FGFBP1: variants seen among roughly 807,000 people sequenced by gnomAD.
FGFBP1 encodes the protein fibroblast growth factor binding protein 1, also known as fibroblast growth factor-binding protein 1.
In FGFBP1, 12 loss-of-function variants were observed where a neutral mutation model predicts 14.6. That is an observed-to-expected ratio of 0.82 (90% confidence interval 0.53 to 1.33). The LOEUF (loss-of-function observed/expected upper bound fraction) is 1.33, where lower values mean the gene tolerates loss of function less well. Among genes scored for constraint, FGFBP1 ranks in the 40% most tolerant of loss-of-function variants. The pLI is 0.00. For synonymous variants in FGFBP1, 117 were observed against 105.0 expected, an observed-to-expected ratio of 1.11 and a Z score of -0.70; for missense variants, 317 against 271.8, an observed-to-expected ratio of 1.17 and a Z score of -1.17.
At chr4:15,937,611 GGT>G (rs1437368665) in intron 2 of FGFBP1, among the ~76,000 whole-genome samples, 1 of 152,092 alleles carries the variant, frequency 6.6e-6, no homozygotes, top group Non-Finnish European at 1.5e-5. Context: ...ACTGGTCTAG[GGT>G]TTGATTCCCA....
At position 15,935,811 on chromosome 4, in the gene FGFBP1, G is replaced by A. The variant is rs1016213561; in HGVS notation, c.*117C>T. On this transcript the variant is annotated 3_prime_UTR_variant, in exon 3 of 3. Coordinates refer to ENST00000382333, the MANE Select transcript of FGFBP1 (RefSeq NM_005130.5). Reference sequence around the variant, plus strand: ...AATACAAAACTTGTTTAAATATTTCGTTGCACTCACTAAGCACAAAAGTTC... The same window carrying A: ...AATACAAAACTTGTTTAAATATTTCATTGCACTCACTAAGCACAAAAGTTC... 2.3e-5 allele frequency: 14 copies of A among 620,452 alleles called. No homozygotes were observed. Among genetic ancestry groups the A allele is most frequent in the Middle Eastern group, 2.7e-4 (1 of 3,688 alleles). The allele number at this position is 620,452 out of a possible 1,614,324, so 38.4% of individuals were successfully genotyped here.
intron 2 of FGFBP1, among the ~76,000 whole-genome samples, chr4:15,936,920 C>T (rs1002431269): frequency 2.0e-5 from 3 of 152,318 alleles, no homozygotes; most frequent in Admixed American, 2.0e-4. Flanking sequence ...CATCTGCTCA[C>T]TCCTCACTCT....
At position 15,936,446 on chromosome 4, in the gene FGFBP1, T is replaced by C. The variant is rs750202291; in HGVS notation, c.187A>G (p.Lys63Glu). ...RPGNKGKFVT[K>E]DQANCRWAAT... Reference sequence around the variant, plus strand: ...GCCCATCTGCAGTTGGCTTGGTCTTTGGTGACAAACTTGCCTTTGTTCCCG... The same window carrying C: ...GCCCATCTGCAGTTGGCTTGGTCTTCGGTGACAAACTTGCCTTTGTTCCCG... The change falls in exon 3 of 3, where the codon AAA becomes GAA. Residue 63 changes from lysine (K) to glutamate (E), a missense_variant. Lys to Glu is a moderately conservative substitution (Grantham distance 56). Coordinates refer to ENST00000382333, the MANE Select transcript of FGFBP1 (RefSeq NM_005130.5). 45 of 1,614,140 alleles carry C rather than the reference T, an allele frequency of 2.8e-5. No homozygotes were observed. Among genetic ancestry groups the C allele is most frequent in the South Asian group, 4.4e-5 (4 of 91,092 alleles).
Position 15,937,277 on chromosome 4 carries a change from C to T in FGFBP1, c.-20-625G>A, listed in dbSNP as rs1448531983. On this transcript the variant is annotated intron_variant, in intron 2 of 2. Coordinates refer to ENST00000382333, the MANE Select transcript of FGFBP1 (RefSeq NM_005130.5). ...AAGGTGATGTTGACCCAGAGTTGAACATGCCTGGGGTTTGGGTGGGGTGGG... is the reference window on the plus strand; with the variant it reads ...AAGGTGATGTTGACCCAGAGTTGAATATGCCTGGGGTTTGGGTGGGGTGGG... Among the ~76,000 whole-genome samples the T allele has an allele frequency of 1.2e-4, 13 of 112,258 alleles. No individual in the cohort carries two copies. In the Admixed American group the frequency reaches 1.8e-3, roughly 15 times the overall value. The allele number at this position is 112,258 out of a possible 152,430, so 73.6% of individuals were successfully genotyped here. A position where few individuals can be genotyped will look rare whatever the true frequency, so the allele number is the denominator to read the frequency against.
Position 15,936,535 on chromosome 4 carries a change from C to T in FGFBP1, c.98G>A (p.Ser33Asn), listed in dbSNP as rs1348286547. 2 of 1,614,066 alleles carry T rather than the reference C, an allele frequency of 1.2e-6. No individual in the cohort carries two copies. Among genetic ancestry groups the T allele is most frequent in the Non-Finnish European group, 1.7e-6 (2 of 1,180,002 alleles). Residue 33 changes from serine (S) to asparagine (N), a missense_variant, in exon 3 of 3, where the codon AGC (serine) becomes AAC (asparagine). Transcript: ENST00000382333. ...GKKKVKNGLHSKVVSEQKDTL... is the reference protein window; with the variant it reads ...GKKKVKNGLHNKVVSEQKDTL... ...GTCCTTTTGTTCTGAGACCACTTTG[C>T]TGTGAAGTCCATTCTTCACTTTTTT...
rs1712501430 is a variant in FGFBP1 at position 15,936,589 on chromosome 4, G to A, written c.44C>T (p.Ala15Val). The change falls in exon 3 of 3, where the codon GCT becomes GTT. Residue 15 changes from alanine to valine, a missense_variant. Coordinates refer to ENST00000382333, the MANE Select transcript of FGFBP1 (RefSeq NM_005130.5). Reference protein sequence around the residue: ...SLTLLSFLLLAAQVLLVEGKK... With the variant: ...SLTLLSFLLLVAQVLLVEGKK... ...CCCCTCCACCAGGAGCACCTGAGCAGCCAGTAGGAGGAAGGAGAGCAGGGT... is the reference window on the plus strand; with the variant it reads ...CCCCTCCACCAGGAGCACCTGAGCAACCAGTAGGAGGAAGGAGAGCAGGGT... 2 of 1,613,010 alleles carry A rather than the reference G, an allele frequency of 1.2e-6. No individual in the cohort carries two copies. Among genetic ancestry groups the A allele is most frequent in the Non-Finnish European group, 1.7e-6 (2 of 1,179,962 alleles).
At position 15,935,976 on chromosome 4, in the gene FGFBP1, G is replaced by A. The variant is rs1560343455; in HGVS notation, c.657C>T (p.Ser219=). The A allele has an allele frequency of 6.2e-7, 1 of 1,613,588 alleles. No individual in the cohort carries two copies. The highest frequency in any genetic ancestry group is 1.3e-5 in the African/African-American group (1 of 74,898). Residue 219 remains serine (S), a synonymous_variant, in exon 3 of 3, where the codon AGC becomes AGT. Transcript: ENST00000382333. ...TGCTGAGGAAGAATGTGCAGAGAGA[G>A]CTCCAAGTCTCTCCACAGAACTCCA... The part of the protein sequence containing the change: ...TALEFCGETW[S]SLCTFFLSIV...
In FGFBP1 at chr4:15,936,033, G is replaced by A; in HGVS notation, c.600C>T (p.Asp200=). ...MATKAPECVE[D]PDMANQRKTA... ...TCTTCCTCTGGTTTGCCATATCTGG[G>A]TCCTCCACACACTCGGGAGCTTTGG... Residue 200 remains aspartate, a synonymous_variant, in exon 3 of 3, where the codon GAC becomes GAT. Transcript: ENST00000382333. 2 of 1,614,078 alleles carry A rather than the reference G, an allele frequency of 1.2e-6. No homozygotes were observed. Among genetic ancestry groups the A allele is most frequent in the Non-Finnish European group, 8.5e-7 (1 of 1,179,984 alleles).
rs891224571 is a variant in FGFBP1 at position 15,938,231 on chromosome 4, T to G, written c.-21+20A>C. 1.3e-5 allele frequency: 2 copies of G among 152,232 alleles called. No individual in the cohort carries two copies. Among genetic ancestry groups the G allele is most frequent in the African/African-American group, 4.8e-5 (2 of 41,452 alleles). 9.4% of individuals were successfully genotyped at this position (152,232 alleles called of 1,614,324 possible). A position where few individuals can be genotyped will look rare whatever the true frequency, so the allele number is the denominator to read the frequency against. On this transcript the variant is annotated intron_variant, in intron 2 of 2. Coordinates refer to ENST00000382333, the MANE Select transcript of FGFBP1 (RefSeq NM_005130.5). ...AAGTGGCAGCAGGTAATAAAGCTGT[T>G]AAAGGAGCGAGGCTCTTACCTTGTT...
At position 15,937,757 on chromosome 4, in the gene FGFBP1, A is replaced by G. The variant is rs1371360719; in HGVS notation, c.-21+494T>C. On this transcript the variant is annotated intron_variant, in intron 2 of 2. Coordinates refer to ENST00000382333, the MANE Select transcript of FGFBP1 (RefSeq NM_005130.5). ...CATAGTGGGCAAGTTCAAAGCTGGT[A>G]TGGGTAGCCAGATCAATCTCCTTAT... Among the ~76,000 whole-genome samples the G allele has an allele frequency of 3.9e-5, 6 of 152,162 alleles. No homozygotes were observed. The East Asian group carries it at 1.2e-3, about 29-fold the overall frequency.
intron 2 of FGFBP1, among the ~76,000 whole-genome samples, chr4:15,937,457 A>C (rs1234978016): frequency 6.6e-6 from 1 of 152,240 alleles, no homozygotes; most frequent in East Asian, 1.9e-4. Flanking sequence ...ATCGAAGACA[A>C]GGATCATGAG....
At chr4:15,937,026 A>C (rs567942116) in intron 2 of FGFBP1, among the ~76,000 whole-genome samples, 3 of 152,290 alleles carry the variant, frequency 2.0e-5, no homozygotes, top group South Asian at 2.1e-4. Flanking sequence ...AGAAAGCCTC[A>C]GATTTGAAAG....
rs780557613 is a variant in FGFBP1 at position 15,936,518 on chromosome 4, G to C, written c.115C>G (p.Gln39Glu). 7.4e-6 allele frequency: 12 copies of C among 1,613,946 alleles called. No individual in the cohort carries two copies. The Admixed American group carries it at 1.3e-4, about 18-fold the overall frequency. Residue 39 changes from glutamine (Q) to glutamate (E), a missense_variant, in exon 3 of 3, where the codon CAA (glutamine) becomes GAA (glutamate). By Grantham distance (29) the Gln-to-Glu change is conservative (BLOSUM62 2). Coordinates refer to ENST00000382333, the MANE Select transcript of FGFBP1 (RefSeq NM_005130.5). ...TGGGTGTTGCCCAGAGTGTCCTTTT[G>C]TTCTGAGACCACTTTGCTGTGAAGT... is the stretch of plus-strand genomic sequence containing the variant. ...NGLHSKVVSE[Q>E]KDTLGNTQIK...
At chr4:15,936,685 G>A in intron 2 of FGFBP1, 33 bp from the exon 3 acceptor site, 1 of 1,375,110 alleles carries the variant, frequency 7.3e-7, no homozygotes. Context: ...GTCAGTGGCA[G>A]GCAGCAGTTC....
chr4:15,936,675 G>A (rs749976864), intron 2 of FGFBP1, 23 bp from the exon 3 acceptor site: 7 of 1,437,070 alleles, frequency 4.9e-6, no homozygotes, highest in African/African-American at 4.2e-5. Context: ...AGGCAAGTGA[G>A]TCAGTGGCAG....
At chr4:15,937,566 G>A (rs1007366780) in intron 2 of FGFBP1, among the ~76,000 whole-genome samples, 9 of 152,188 alleles carry the variant, frequency 5.9e-5, no homozygotes, top group Non-Finnish European at 1.3e-4. Flanking sequence ...AAGAAGAGAA[G>A]TCAGTTTCTA....
Position 15,936,369 on chromosome 4 carries a change from C to T in FGFBP1, c.264G>A (p.Leu88=). The change falls in exon 3 of 3, where the codon TTG becomes TTA. Residue 88 remains leucine (L), a synonymous_variant. Transcript: ENST00000382333. The part of the protein sequence containing the change: ...GISLKVECTQ[L]DHEFSCVFAG... ...CAAAGACACAGGAAAATTCATGGTC[C>T]AATTGAGTGCACTCAACCTTGAGAG... 2 of 1,614,146 alleles carry T rather than the reference C, an allele frequency of 1.2e-6. No individual in the cohort carries two copies. Among genetic ancestry groups the T allele is most frequent in the Non-Finnish European group, 1.7e-6 (2 of 1,180,014 alleles).
rs747611553 is a variant in FGFBP1, at chr4:15,936,246, A to G, written c.387T>C (p.Tyr129=). The change falls in exon 3 of 3, where the codon TAT becomes TAC. Residue 129 remains tyrosine, a synonymous_variant. Coordinates refer to ENST00000382333, the MANE Select transcript of FGFBP1 (RefSeq NM_005130.5). ...NLRSQKDICR[Y]SKTAVKTRVC... ...CTCTGGTTTTCACAGCTGTCTTGGA[A>G]TATCTACAGATGTCTTTCTGTGAGC... 4 of 1,614,114 alleles carry G rather than the reference A, an allele frequency of 2.5e-6. No homozygotes were observed. In the East Asian group the frequency reaches 8.9e-5, roughly 36 times the overall value.
At position 15,936,048 on chromosome 4, in the gene FGFBP1, G is replaced by A. The variant is rs772486481; in HGVS notation, c.585C>T (p.Pro195=). Residue 195 remains proline, a synonymous_variant, in exon 3 of 3, where the codon CCC becomes CCT. Coordinates refer to ENST00000382333, the MANE Select transcript of FGFBP1 (RefSeq NM_005130.5). ...CCATATCTGGGTCCTCCACACACTC[G>A]GGAGCTTTGGTGGCCATGGTCTGGG... ...AVTQTMATKA[P]ECVEDPDMAN... 3.6e-5 allele frequency: 58 copies of A among 1,613,990 alleles called. No homozygotes were observed. Among genetic ancestry groups the A allele is most frequent in the Middle Eastern group, 3.3e-4 (2 of 6,084 alleles).
Sources: gnomAD v4.1 joint callset for allele counts (sites outside exome capture counted in the v4.1 genomes callset) on GRCh38, gnomAD v4.1.1 for gene constraint, MANE v1.5 for transcripts, NCBI Gene and HGNC (gene_info 2026-07-23, HGNC 2026-07-21) for gene names.